KPNA4: variants seen among roughly 807,000 people sequenced by gnomAD.
The protein encoded by KPNA4 is importin subunit alpha-3.
A neutral mutation model predicts 71.3 loss-of-function variants in KPNA4; 13 were observed. That is an observed-to-expected ratio of 0.18 (90% CI 0.12 to 0.29). The LOEUF (loss-of-function observed/expected upper bound fraction) is 0.29, where lower values mean the gene tolerates loss of function less well. Among genes scored for constraint, KPNA4 ranks in the 10% least tolerant of loss-of-function variants. The probability of loss-of-function intolerance (pLI) is 1.00; values close to 1 mark genes in which losing one functional copy is unlikely to be tolerated. For missense variants in KPNA4, 334 were observed against 603.2 expected, an observed-to-expected ratio of 0.55 and a Z score of 4.67; for synonymous variants, 189 against 195.2, an observed-to-expected ratio of 0.97 and a Z score of 0.26.
At chr3:160,510,209 T>C (rs1392134709) in intron 13 of KPNA4, among the ~76,000 whole-genome samples, 1 of 152,164 alleles carries the variant, frequency 6.6e-6, no homozygotes, top group African/African-American at 2.4e-5. Flanking sequence ...TAAACGAACA[T>C]ATTCTTTTAC....
chr3:160,558,234 A>ACT lies in KPNA4; in HGVS notation c.69+6979_69+6980insAG, dbSNP rs1307955767. ...TTGGCTGAAGTATGTGGGAGAAAGT[A>ACT]GGTTTTCAGGTGACTGTTAAATAAG... is the stretch of plus-strand genomic sequence containing the variant. On this transcript the variant is annotated intron_variant, in intron 1 of 16. Coordinates refer to ENST00000334256, the MANE Select transcript of KPNA4 (RefSeq NM_002268.5). Among the ~76,000 whole-genome samples the ACT allele has an allele frequency of 3.0e-4, 46 of 152,334 alleles. 1 individual carries two copies. Among genetic ancestry groups the ACT allele is most frequent in the African/African-American group, 9.6e-4 (40 of 41,590 alleles).
chr3:160,534,664 C>G (rs1172979307), intron 5 of KPNA4, among the ~76,000 whole-genome samples: 1 of 142,670 alleles, frequency 7.0e-6, no homozygotes, highest in Admixed American at 7.3e-5. Context: ...TTGCAGTGAG[C>G]TGAGATTGCG....
intron 1 of KPNA4, among the ~76,000 whole-genome samples, chr3:160,537,320 C>T (rs1376857001): frequency 1.3e-5 from 2 of 151,264 alleles, no homozygotes; most frequent in Admixed American, 6.6e-5. Flanking sequence ...GATTCTGACA[C>T]GTCTATCTAT....
At chr3:160,524,668 T>C (rs1294382124) in intron 10 of KPNA4, among the ~76,000 whole-genome samples, 2 of 152,134 alleles carry the variant, frequency 1.3e-5, no homozygotes, top group Non-Finnish European at 2.9e-5. Flanking sequence ...CAAAGCAAAA[T>C]ATTGAAATTC....
At chr3:160,512,141 T>C (rs1409269497) in intron 13 of KPNA4, among the ~76,000 whole-genome samples, 2 of 152,130 alleles carry the variant, frequency 1.3e-5, no homozygotes, top group African/African-American at 4.8e-5. Context: ...ATAGCTGAAA[T>C]ATGATCCTTA....
chr3:160,549,492 G>A (rs961985598), intron 1 of KPNA4, among the ~76,000 whole-genome samples: 36 of 152,132 alleles, frequency 2.4e-4, no homozygotes, highest in African/African-American at 8.7e-4. Context: ...TTGCATGGTG[G>A]ATATCAAGTT....
chr3:160,521,774 C>T lies in KPNA4; in HGVS notation c.903+5G>A. ...TACTTATAATTTAACTAAGAACAAA[C>T]TTACCTGAACTTTAACTTCCTGGTG... is the stretch of plus-strand genomic sequence containing the variant. On this transcript the variant is annotated splice_donor_5th_base_variant and intron_variant, in intron 11 of 16. Transcript: ENST00000334256. The T allele has an allele frequency of 1.2e-6, 2 of 1,609,724 alleles. No individual in the cohort carries two copies. Among genetic ancestry groups the T allele is most frequent in the Non-Finnish European group, 1.7e-6 (2 of 1,179,268 alleles).
chr3:160,536,174 T>TA (rs947564875), intron 2 of KPNA4, among the ~76,000 whole-genome samples: 74 of 152,180 alleles, frequency 4.9e-4, no homozygotes, highest in African/African-American at 1.7e-3. Flanking sequence ...AAAGTTTGAC[T>TA]AAAAAATATA....
Position 160,565,546 on chromosome 3 carries a change from C to A in KPNA4, c.-264G>T, listed in dbSNP as rs760874799. The A allele has an allele frequency of 3.8e-6, 2 of 532,598 alleles. No homozygotes were observed. The highest frequency in any genetic ancestry group is 6.6e-6 in the Non-Finnish European group (2 of 304,184). 33.0% of individuals were successfully genotyped at this position (532,598 alleles called of 1,614,324 possible). The stretch of plus-strand genomic sequence containing the variant: ...GCAAGGCGACGGAATGTGCTGCCGG[C>A]TGAGAGGGGGAGGCAGCCTCGATCT... On this transcript the variant is annotated 5_prime_UTR_variant, in exon 1 of 17. Coordinates refer to ENST00000334256, the MANE Select transcript of KPNA4 (RefSeq NM_002268.5).
chr3:160,538,535 G>A (rs1002675739), intron 1 of KPNA4, among the ~76,000 whole-genome samples: 2 of 152,130 alleles, frequency 1.3e-5, no homozygotes, highest in Non-Finnish European at 2.9e-5. Flanking sequence ...AGGAAGGAAA[G>A]GTCCAAGGAA....
rs370363249 is a variant in KPNA4 at position 160,531,575 on chromosome 3, A to C, written c.288-18T>G. The C allele has an allele frequency of 8.4e-6, 11 of 1,307,604 alleles. No homozygotes were observed. In the African/African-American group the frequency reaches 1.3e-4, roughly 16 times the overall value. The allele number at this position is 1,307,604 out of a possible 1,614,324, so 81.0% of individuals were successfully genotyped here. A position where few individuals can be genotyped will look rare whatever the true frequency, so the allele number is the denominator to read the frequency against. On this transcript the variant is annotated intron_variant, in intron 5 of 16. Transcript: ENST00000334256. The stretch of plus-strand genomic sequence containing the variant: ...AAAGCTTCCTGTAAGAGATAAAAAC[A>C]CTCCTGTGAAACTTAATAACATACA...
chr3:160,509,397 T>TA (rs1048621078), intron 14 of KPNA4, among the ~76,000 whole-genome samples: 137 of 152,112 alleles, frequency 9.0e-4, no homozygotes, highest in African/African-American at 3.1e-3. Context: ...CTAATACTGT[T>TA]AAAAAAACAA....
At position 160,525,989 on chromosome 3, in the gene KPNA4, G is replaced by T. The variant is rs147427898; in HGVS notation, c.675C>A (p.Val225=). ...TFLRNVTWVM[V]NLCRHKDPPP... ...GTGGGTCTTTGTGGCGACATAAGTT[G>T]ACCATAACCCAAGTAACATTTCTTA... The change falls in exon 9 of 17, where the codon GTC becomes GTA. Residue 225 remains valine (V), a synonymous_variant. Transcript: ENST00000334256. 7.3e-4 allele frequency: 1,161 copies of T among 1,597,080 alleles called. 1 individual carries two copies. The highest frequency in any genetic ancestry group is 9.4e-4 in the Non-Finnish European group (1,097 of 1,172,802).
chr3:160,536,625 G>A (rs927454886), intron 2 of KPNA4, among the ~76,000 whole-genome samples, 171 bp downstream of exon 2: 3 of 151,984 alleles, frequency 2.0e-5, no homozygotes, highest in African/African-American at 7.2e-5. Context: ...AAAGAAAAAT[G>A]CTTAGCAGTT....
At chr3:160,545,834 C>A (rs1721892710) in intron 1 of KPNA4, among the ~76,000 whole-genome samples, 1 of 149,180 alleles carries the variant, frequency 6.7e-6, no homozygotes. Flanking sequence ...GAAGACAGAA[C>A]CTGCAAAATT....
intron 16 of KPNA4, among the ~76,000 whole-genome samples, chr3:160,504,670 C>T (rs1039387068): frequency 2.2e-4 from 34 of 152,026 alleles, no homozygotes; most frequent in Non-Finnish European, 5.9e-5. Flanking sequence ...ATGCTATTAA[C>T]AATTTTAAAA....
rs201833229 is a variant in KPNA4 at position 160,539,837 on chromosome 3, C to T, written c.70-2997G>A. On this transcript the variant is annotated intron_variant, in intron 1 of 16. Transcript: ENST00000334256. ...AGTAGGAGGATTAAGGTATAATGGG[C>T]TTTAACTTCTTTTCATTAGAGCATA... 3.3e-5 allele frequency among the ~76,000 whole-genome samples: 5 copies of T among 152,146 alleles called. No homozygotes were observed. The East Asian group carries it at 9.6e-4, about 29-fold the overall frequency.
intron 1 of KPNA4, among the ~76,000 whole-genome samples, chr3:160,541,223 G>A (rs1169489350): frequency 6.6e-6 from 1 of 152,022 alleles, no homozygotes; most frequent in African/African-American, 2.4e-5. Flanking sequence ...CCTAAAAATT[G>A]TTAGTTTAAA....
intron 1 of KPNA4, among the ~76,000 whole-genome samples, chr3:160,552,647 T>G (rs1722065193): frequency 6.6e-6 from 1 of 152,156 alleles, no homozygotes. Flanking sequence ...TTTTCAGGAA[T>G]GGCCTCTGTG....
Sources: gnomAD v4.1 joint callset for allele counts (sites outside exome capture counted in the v4.1 genomes callset) on GRCh38, gnomAD v4.1.1 for gene constraint, MANE v1.5 for transcripts, NCBI Gene and HGNC (gene_info 2026-07-23, HGNC 2026-07-21) for gene names.